Variants in CDH13 observed in about 807,000 individuals in gnomAD.
CDH13 encodes the protein cadherin-13.
Under a neutral mutation model 63.8 loss-of-function variants are expected in CDH13, and 24 were observed. That is an observed-to-expected ratio of 0.38 (90% confidence interval 0.27 to 0.53). The LOEUF (loss-of-function observed/expected upper bound fraction) is 0.53. Among genes scored for constraint, CDH13 ranks in the 20% least tolerant of loss-of-function variants. The pLI is 0.85. For synonymous variants in CDH13, 503 were observed against 355.3 expected, an observed-to-expected ratio of 1.42 and a Z score of -4.67; for missense variants, 1,049 against 903.1, an observed-to-expected ratio of 1.16 and a Z score of -2.07.
intron 8 of CDH13, among the ~76,000 whole-genome samples, chr16:83,653,314 G>C (rs1912563927): frequency 6.6e-6 from 1 of 152,180 alleles, no homozygotes; most frequent in Non-Finnish European, 1.5e-5. Flanking sequence ...GTGAATCATA[G>C]CGCAATAAAA....
intron 2 of CDH13, among the ~76,000 whole-genome samples, chr16:82,873,882 G>T (rs1165350888): frequency 2.6e-5 from 4 of 152,056 alleles, no homozygotes; most frequent in Non-Finnish European, 5.9e-5. Context: ...TCTCTTTTAA[G>T]TATTTTCATG....
chr16:82,651,171 T>G lies in CDH13; in HGVS notation c.45+24034T>G, dbSNP rs185496979. On this transcript the variant is annotated intron_variant, in intron 1 of 13. Transcript: ENST00000567109. ...TATGAACAACCATCATTATCTGTGC[T>G]CCAATAATTATTAATTTAATGACAT... Among the ~76,000 whole-genome samples the G allele has an allele frequency of 5.9e-5, 9 of 152,332 alleles. No individual in the cohort carries two copies. In the East Asian group the frequency reaches 1.7e-3, roughly 29 times the overall value.
intron 1 of CDH13, among the ~76,000 whole-genome samples, chr16:82,727,096 C>A (rs556022477): frequency 6.6e-6 from 1 of 152,084 alleles, no homozygotes; most frequent in Non-Finnish European, 1.5e-5. Context: ...AGGGCGGCGG[C>A]GGTGGTGGGG....
At chr16:82,896,072 A>G (rs2041245532) in intron 2 of CDH13, among the ~76,000 whole-genome samples, 1 of 152,004 alleles carries the variant, frequency 6.6e-6, no homozygotes, top group Non-Finnish European at 1.5e-5. Flanking sequence ...ACCCTGTTTT[A>G]TGTTGTTTAT....
chr16:83,053,977 C>T (rs372302285), intron 3 of CDH13, among the ~76,000 whole-genome samples: 91 of 152,226 alleles, frequency 6.0e-4, no homozygotes, highest in African/African-American at 2.0e-3. Context: ...ATTATAATAC[C>T]ATATTTTTAC....
intron 5 of CDH13, among the ~76,000 whole-genome samples, chr16:83,315,660 T>C (rs1426088448): frequency 6.6e-6 from 1 of 151,810 alleles, no homozygotes; most frequent in Non-Finnish European, 1.5e-5. Flanking sequence ...AAAACAGCTC[T>C]AAGAAAATTT....
At chr16:82,906,229 GC>G (rs1436024707) in intron 2 of CDH13, among the ~76,000 whole-genome samples, 4 of 152,144 alleles carry the variant, frequency 2.6e-5, no homozygotes, top group Non-Finnish European at 5.9e-5. Context: ...ATGTTCAGGA[GC>G]CCTTTACTAG....
At chr16:82,775,636 G>T (rs1002261877) in intron 1 of CDH13, among the ~76,000 whole-genome samples, 1 of 152,124 alleles carries the variant, frequency 6.6e-6, no homozygotes, top group Non-Finnish European at 1.5e-5. Flanking sequence ...ATGTACCCAG[G>T]CCTCTCTAAC....
intron 4 of CDH13, among the ~76,000 whole-genome samples, chr16:83,133,097 C>T (rs991334422): frequency 6.6e-6 from 1 of 152,176 alleles, no homozygotes; most frequent in African/African-American, 2.4e-5. Context: ...GTGGTCAATG[C>T]AGTTATAAAG....
chr16:83,086,997 T>C (rs1314726170), intron 3 of CDH13, among the ~76,000 whole-genome samples: 1 of 152,158 alleles, frequency 6.6e-6, no homozygotes, highest in African/African-American at 2.4e-5. Context: ...CTGTCAAAAA[T>C]ACACAACCGC....
Position 83,751,350 on chromosome 16 carries a change from T to G in CDH13, c.1681+3100T>G, listed in dbSNP as rs558797877. On this transcript the variant is annotated intron_variant, in intron 11 of 13. Coordinates refer to ENST00000567109, the MANE Select transcript of CDH13 (RefSeq NM_001257.5). Reference sequence around the variant, plus strand: ...TGGCTCATGCCTGCAATGTCAGCACTTTGGGAGGCTGAGGTGGGCAGATCG... The same window carrying G: ...TGGCTCATGCCTGCAATGTCAGCACGTTGGGAGGCTGAGGTGGGCAGATCG... 5.9e-5 allele frequency among the ~76,000 whole-genome samples: 9 copies of G among 152,240 alleles called. No homozygotes were observed. The South Asian group carries it at 1.9e-3, about 32-fold the overall frequency.
At chr16:82,895,453 A>C (rs990908701) in intron 2 of CDH13, among the ~76,000 whole-genome samples, 1 of 152,180 alleles carries the variant, frequency 6.6e-6, no homozygotes, top group Non-Finnish European at 1.5e-5. Flanking sequence ...CTTTAAGAGT[A>C]AAGGCCCAGA....
At chr16:82,766,434 A>T (rs1049444832) in intron 1 of CDH13, among the ~76,000 whole-genome samples, 2 of 152,238 alleles carry the variant, frequency 1.3e-5, no homozygotes, top group Admixed American at 6.5e-5. Context: ...GAGTATTGTG[A>T]CAAAGTGCAA....
At chr16:82,949,574 T>C (rs1905086621) in intron 2 of CDH13, among the ~76,000 whole-genome samples, 1 of 152,212 alleles carries the variant, frequency 6.6e-6, no homozygotes, top group South Asian at 2.1e-4. Flanking sequence ...CATTTGTTTT[T>C]TATAATGATC....
intron 8 of CDH13, among the ~76,000 whole-genome samples, chr16:83,668,390 C>T (rs1234514716): frequency 6.6e-6 from 1 of 152,222 alleles, no homozygotes; most frequent in Non-Finnish European, 1.5e-5. Flanking sequence ...TTGGCAATGA[C>T]ACTCATCTGC....
intron 3 of CDH13, among the ~76,000 whole-genome samples, chr16:83,118,554 A>C (rs2035418914): frequency 6.6e-6 from 1 of 152,190 alleles, no homozygotes; most frequent in South Asian, 2.1e-4. Flanking sequence ...CCACAGCCGA[A>C]TTACTCACTC....
At chr16:82,635,465 A>T (rs905622187) in intron 1 of CDH13, among the ~76,000 whole-genome samples, 2 of 152,200 alleles carry the variant, frequency 1.3e-5, no homozygotes, top group African/African-American at 4.8e-5. Context: ...TGTGGCTGGG[A>T]GGTGCCAGAG....
At chr16:83,326,616 C>T (rs917964572) in intron 5 of CDH13, among the ~76,000 whole-genome samples, 2 of 152,082 alleles carry the variant, frequency 1.3e-5, no homozygotes, top group African/African-American at 2.4e-5. Flanking sequence ...GGCATGCTTG[C>T]TGTGCCCTTT....
chr16:82,830,920 A>G (rs2038510197), intron 1 of CDH13, among the ~76,000 whole-genome samples: 1 of 152,216 alleles, frequency 6.6e-6, no homozygotes, highest in South Asian at 2.1e-4. Flanking sequence ...TATATTTTAT[A>G]TAAAAGTGTA....
Sources: allele counts gnomAD v4.1 joint callset (sites outside exome capture counted in the v4.1 genomes callset), GRCh38; gene constraint gnomAD v4.1.1; transcripts MANE v1.5; gene names NCBI Gene and HGNC (gene_info 2026-07-23, HGNC 2026-07-21).